Variants in CAP2 observed in about 807,000 individuals in gnomAD.
The protein encoded by CAP2 is adenylyl cyclase-associated protein 2.
Under a neutral mutation model 57.7 loss-of-function variants are expected in CAP2, and 24 were observed. That is an observed-to-expected ratio of 0.42 (90% CI 0.30 to 0.58). The LOEUF (loss-of-function observed/expected upper bound fraction) is 0.58, where lower values mean the gene tolerates loss of function less well. CAP2 is among the 20% of genes least tolerant of loss of function. CAP2 has a pLI of 0.22. For synonymous variants in CAP2, 194 were observed against 207.2 expected, an observed-to-expected ratio of 0.94 and a Z score of 0.55; for missense variants, 501 against 590.3, an observed-to-expected ratio of 0.85 and a Z score of 1.57.
chr6:17,519,308 C>A (rs1411983068), intron 7 of CAP2, among the ~76,000 whole-genome samples: 1 of 151,576 alleles, frequency 6.6e-6, no homozygotes, highest in Non-Finnish European at 1.5e-5. Flanking sequence ...TTGAGACCAG[C>A]GATTTGAAGA....
At chr6:17,517,868 T>C (rs945745920) in intron 7 of CAP2, among the ~76,000 whole-genome samples, 1 of 152,164 alleles carries the variant, frequency 6.6e-6, no homozygotes, top group Non-Finnish European at 1.5e-5. Flanking sequence ...GCCACTGCCC[T>C]TCAGCCTGGG....
At chr6:17,466,491 G>C (rs9477443) in intron 4 of CAP2, among the ~76,000 whole-genome samples, 8,080 of 152,230 alleles carry the variant, frequency 0.053, 661 homozygotes, top group African/African-American at 0.18. Flanking sequence ...TGTTACAATT[G>C]AAGCTCAGAT....
At chr6:17,466,713 T>C (rs1357549743) in intron 4 of CAP2, among the ~76,000 whole-genome samples, 2 of 152,158 alleles carry the variant, frequency 1.3e-5, no homozygotes, top group Non-Finnish European at 2.9e-5. Context: ...CAGCAAGACT[T>C]TAGTCATTGC....
At chr6:17,531,751 C>A (rs993345961) in intron 7 of CAP2, 2 of 594,988 alleles carry the variant, frequency 3.4e-6, no homozygotes, top group Non-Finnish European at 5.9e-6. Context: ...ACATTCCCCC[C>A]ATGCTTAAAG....
chr6:17,432,354 T>C (rs1045943082), intron 3 of CAP2, among the ~76,000 whole-genome samples: 12 of 152,194 alleles, frequency 7.9e-5, no homozygotes, highest in African/African-American at 2.7e-4. Flanking sequence ...ACTGTGAGGC[T>C]GACTCAGCAA....
At chr6:17,471,087 T>C (rs1218058808) in intron 4 of CAP2, among the ~76,000 whole-genome samples, 5 of 152,252 alleles carry the variant, frequency 3.3e-5, no homozygotes, top group South Asian at 2.1e-4. Context: ...AAAGTAATCA[T>C]GTGACTGATC....
At chr6:17,455,821 C>T (rs897087691) in intron 3 of CAP2, among the ~76,000 whole-genome samples, 2 of 152,190 alleles carry the variant, frequency 1.3e-5, no homozygotes, top group African/African-American at 4.8e-5. Context: ...AGGCGTGAGC[C>T]ACCGCGCCCA....
At position 17,542,920 on chromosome 6, in the gene CAP2, A is replaced by G; in HGVS notation, c.1086A>G (p.Ser362=). The change falls in exon 10 of 13, where the codon TCA becomes TCG. Residue 362 remains serine (S), a synonymous_variant. Transcript: ENST00000229922. ...QVAYIFKCEK[S]TIQIKGKVNS... ...CTTACATTTTCAAATGCGAAAAATC[A>G]ACTATTCAGATAAAAGGGAAAGTAA... is the stretch of plus-strand genomic sequence containing the variant. 1 of 1,613,824 alleles carries G rather than the reference A, an allele frequency of 6.2e-7. No individual in the cohort carries two copies. The highest frequency in any genetic ancestry group is 8.5e-7 in the Non-Finnish European group (1 of 1,179,672).
chr6:17,508,009 CAG>C (rs566447472), intron 6 of CAP2, among the ~76,000 whole-genome samples: 16 of 152,186 alleles, frequency 1.1e-4, no homozygotes, highest in Non-Finnish European at 2.2e-4. Context: ...CCACAATAAT[CAG>C]AGAGCTTGGT....
chr6:17,512,085 A>G (rs529490014), intron 6 of CAP2, among the ~76,000 whole-genome samples: 1 of 152,192 alleles, frequency 6.6e-6, no homozygotes, highest in South Asian at 2.1e-4. Context: ...CCACTGTTAA[A>G]TTTTTTAATG....
At chr6:17,455,662 A>G (rs1425163309) in intron 3 of CAP2, among the ~76,000 whole-genome samples, 1 of 151,872 alleles carries the variant, frequency 6.6e-6, no homozygotes, top group Non-Finnish European at 1.5e-5. Context: ...CAGCCTCCCA[A>G]GCAGCTGGGA....
At chr6:17,397,180 C>T (rs1758686654) in intron 1 of CAP2, among the ~76,000 whole-genome samples, 1 of 152,080 alleles carries the variant, frequency 6.6e-6, no homozygotes, top group African/African-American at 2.4e-5. Flanking sequence ...CCGCCTCAGC[C>T]TCCTGAGTAG....
rs140263573 is a variant in CAP2, at chr6:17,429,940, G to A, written c.222+3250G>A. On this transcript the variant is annotated intron_variant, in intron 3 of 12. Coordinates refer to ENST00000229922, the MANE Select transcript of CAP2 (RefSeq NM_006366.3). ...GCCTCTCACATCAGCCAGAAGTGGG[G>A]GTTGAACTTTATTCCAAGAACACAC... Among the ~76,000 whole-genome samples the A allele has an allele frequency of 1.1e-3, 163 of 152,308 alleles. 1 individual carries two copies. Among genetic ancestry groups the A allele is most frequent in the African/African-American group, 3.7e-3 (154 of 41,564 alleles).
At chr6:17,552,937 A>C (rs1287674799) in intron 12 of CAP2, among the ~76,000 whole-genome samples, 2 of 152,202 alleles carry the variant, frequency 1.3e-5, no homozygotes, top group African/African-American at 4.8e-5. Context: ...AGTTTAAAAA[A>C]ACAAAACTCT....
chr6:17,516,568 C>G (rs542572489), intron 7 of CAP2, among the ~76,000 whole-genome samples: 6 of 152,302 alleles, frequency 3.9e-5, no homozygotes, highest in African/African-American at 1.4e-4. Context: ...AAAGAACTTA[C>G]TCGTGTAACC....
At chr6:17,411,831 C>A (rs556426463) in intron 1 of CAP2, among the ~76,000 whole-genome samples, 6 of 152,158 alleles carry the variant, frequency 3.9e-5, no homozygotes, top group African/African-American at 1.4e-4. Flanking sequence ...AGAAGCAGTT[C>A]TTTGAACTCT....
chr6:17,451,229 TC>T (rs1440207598), intron 3 of CAP2, among the ~76,000 whole-genome samples: 38 of 93,560 alleles, frequency 4.1e-4, no homozygotes, highest in African/African-American at 1.8e-3. Flanking sequence ...AAATCTTCTA[TC>T]CAAAAAAAAA....
rs1353858411 is a variant in CAP2, at chr6:17,513,575, A to G, written c.531-274A>G. On this transcript the variant is annotated intron_variant, in intron 6 of 12. Transcript: ENST00000229922. The surrounding 1 kb of genome is among the most constrained non-coding windows in gnomAD (Gnocchi z 4.3). ...AGTGCAAGGACACCCTACTCAAGTC[A>G]GCTTAGCTCTGTCGGGTCCCCTCTC... 6.6e-6 allele frequency among the ~76,000 whole-genome samples: 1 copy of G among 152,064 alleles called. No homozygotes were observed. The highest frequency in any genetic ancestry group is 1.9e-4 in the East Asian group (1 of 5,170).
chr6:17,435,344 T>C (rs1388050978), intron 3 of CAP2, among the ~76,000 whole-genome samples: 1 of 10,356 alleles, frequency 9.7e-5, no homozygotes, highest in Non-Finnish European at 1.8e-4. Flanking sequence ...TGGAATACTA[T>C]GCAGCCATAA....
Sources: allele counts gnomAD v4.1 joint callset (sites outside exome capture counted in the v4.1 genomes callset), GRCh38; gene constraint gnomAD v4.1.1; non-coding constraint Gnocchi (gnomAD v3.1); transcripts MANE v1.5; gene names NCBI Gene and HGNC (gene_info 2026-07-23, HGNC 2026-07-21).